Variants in PDE3A observed in about 807,000 individuals in gnomAD.
PDE3A encodes the protein cGMP-inhibited 3',5'-cyclic phosphodiesterase 3A.
A neutral mutation model predicts 98.3 loss-of-function variants in PDE3A; 43 were observed. The ratio of observed to expected loss-of-function variants is 0.44; its 90% confidence interval spans 0.34 to 0.56. The LOEUF (loss-of-function observed/expected upper bound fraction) is 0.56. PDE3A is among the 20% of genes least tolerant of loss of function. PDE3A has a pLI of 0.01. For missense variants in PDE3A, 1,427 were observed against 1,440.7 expected (o/e 0.99, Z 0.15); for synonymous variants, 663 against 567.9 (o/e 1.17, Z -2.38).
At chr12:20,545,777 CAAA>C (rs5796868) in intron 1 of PDE3A, among the ~76,000 whole-genome samples, 98 of 141,142 alleles carry the variant, frequency 6.9e-4, no homozygotes, top group African/African-American at 2.5e-3. Flanking sequence ...TAGTGGCTGC[CAAA>C]AAAAAAAAAA....
chr12:20,636,314 T>G (rs1458202886), intron 8 of PDE3A, among the ~76,000 whole-genome samples: 13 of 152,206 alleles, frequency 8.5e-5, no homozygotes, highest in Non-Finnish European at 5.9e-5. Context: ...CAAGTGATCA[T>G]CAATGGCTGC....
intron 1 of PDE3A, among the ~76,000 whole-genome samples, chr12:20,510,151 TA>T (rs2121112949): frequency 6.6e-6 from 1 of 152,214 alleles, no homozygotes; most frequent in African/African-American, 2.4e-5. Flanking sequence ...TATTTTCTTC[TA>T]AATTTTTTCA....
rs115123415 is a variant in PDE3A, at chr12:20,502,745, G to T, written c.961-53915G>T. ...GTATAAAGGAAACTAATGGTTAACT[G>T]AATTCCTCAATTATTTCCATGGATT... On this transcript the variant is annotated intron_variant, in intron 1 of 15. Coordinates refer to ENST00000359062, the MANE Select transcript of PDE3A (RefSeq NM_000921.5). Among the ~76,000 whole-genome samples the T allele has an allele frequency of 3.9e-3, 598 of 152,180 alleles. 5 individuals carry two copies. Among genetic ancestry groups the T allele is most frequent in the African/African-American group, 0.014 (574 of 41,544 alleles).
intron 1 of PDE3A, among the ~76,000 whole-genome samples, chr12:20,388,099 G>A (rs1943845177): frequency 6.6e-6 from 1 of 152,026 alleles, no homozygotes; most frequent in Admixed American, 6.6e-5. Context: ...TATGTTCACA[G>A]AATATTTATT....
At chr12:20,532,815 A>G (rs1941642437) in intron 1 of PDE3A, among the ~76,000 whole-genome samples, 2 of 150,732 alleles carry the variant, frequency 1.3e-5, no homozygotes, top group African/African-American at 4.9e-5. Flanking sequence ...CAGCCTCCCG[A>G]GTAGCTGGGA....
At chr12:20,388,159 C>A (rs1943846522) in intron 1 of PDE3A, among the ~76,000 whole-genome samples, 1 of 151,930 alleles carries the variant, frequency 6.6e-6, no homozygotes, top group Non-Finnish European at 1.5e-5. Context: ...GAAATTGCAC[C>A]TCCAGGTGCT....
chr12:20,504,929 A>G (rs1946087570), intron 1 of PDE3A, among the ~76,000 whole-genome samples: 1 of 152,092 alleles, frequency 6.6e-6, no homozygotes, highest in Non-Finnish European at 1.5e-5. Context: ...TCTAGGGTTT[A>G]GAACATGGAC....
intron 1 of PDE3A, among the ~76,000 whole-genome samples, chr12:20,478,486 C>G (rs1049137533): frequency 6.6e-6 from 1 of 152,106 alleles, no homozygotes; most frequent in Non-Finnish European, 1.5e-5. Flanking sequence ...TCAGTGAGCC[C>G]CTGATGACAC....
At chr12:20,387,305 G>T (rs1332887567) in intron 1 of PDE3A, among the ~76,000 whole-genome samples, 1 of 151,772 alleles carries the variant, frequency 6.6e-6, no homozygotes, top group African/African-American at 2.4e-5. Context: ...TTCTAATTTT[G>T]TGAAGAATGT....
chr12:20,564,449 A>G (rs1942607786), intron 2 of PDE3A, among the ~76,000 whole-genome samples: 1 of 152,176 alleles, frequency 6.6e-6, no homozygotes, highest in African/African-American at 2.4e-5. Flanking sequence ...TATCGAATAG[A>G]AATTTTAAAG....
chr12:20,386,053 TATATATAAATATATATAAAATATATATAA>T (rs1943765410), intron 1 of PDE3A, among the ~76,000 whole-genome samples: 1 of 51,264 alleles, frequency 2.0e-5, no homozygotes, highest in African/African-American at 7.4e-5. Flanking sequence ...TATATATAAA[TATATATAAATATATATAAAATATATATAA>T]ATATATAAAT....
At chr12:20,667,721 T>C (rs1037861086) in intron 15 of PDE3A, among the ~76,000 whole-genome samples, 21 of 152,348 alleles carry the variant, frequency 1.4e-4, no homozygotes, top group East Asian at 1.2e-3. Context: ...ATCTTTGTTC[T>C]TTTCGTTCAG....
intron 1 of PDE3A, among the ~76,000 whole-genome samples, chr12:20,540,340 A>G (rs1264343973): frequency 6.6e-6 from 1 of 152,168 alleles, no homozygotes; most frequent in African/African-American, 2.4e-5. Flanking sequence ...TAGAATAACA[A>G]TAGCTTGATA....
At chr12:20,441,150 G>A (rs1332544722) in intron 1 of PDE3A, among the ~76,000 whole-genome samples, 2 of 152,076 alleles carry the variant, frequency 1.3e-5, no homozygotes, top group Non-Finnish European at 2.9e-5. Context: ...ACATAATTGA[G>A]AAAAATAAAT....
At position 20,637,088 on chromosome 12, in the gene PDE3A, T is replaced by C; in HGVS notation, c.2002-12T>C. 6.4e-7 allele frequency: 1 copy of C among 1,561,784 alleles called. No homozygotes were observed. Among genetic ancestry groups the C allele is most frequent in the South Asian group, 1.2e-5 (1 of 81,740 alleles). Reference sequence around the variant, plus strand: ...GCATGCTGTTTAAGTATTTTAATGTTAAACATTACAGGACAAACCAATTCT... The same window carrying C: ...GCATGCTGTTTAAGTATTTTAATGTCAAACATTACAGGACAAACCAATTCT... On this transcript the variant is annotated splice_polypyrimidine_tract_variant and intron_variant, in intron 8 of 15. Coordinates refer to ENST00000359062, the MANE Select transcript of PDE3A (RefSeq NM_000921.5).
At chr12:20,494,615 T>C (rs143463377) in intron 1 of PDE3A, among the ~76,000 whole-genome samples, 1 of 152,246 alleles carries the variant, frequency 6.6e-6, no homozygotes, top group African/African-American at 2.4e-5. Flanking sequence ...ACATGATAAA[T>C]TATGACTTTC....
intron 1 of PDE3A, among the ~76,000 whole-genome samples, chr12:20,379,398 C>T (rs1943624778): frequency 6.6e-6 from 1 of 151,750 alleles, no homozygotes; most frequent in South Asian, 2.1e-4. Context: ...AGCAGTCTCT[C>T]AGGAAGTTTG....
At chr12:20,528,192 CA>C (rs1946562353) in intron 1 of PDE3A, among the ~76,000 whole-genome samples, 1 of 152,124 alleles carries the variant, frequency 6.6e-6, no homozygotes, top group African/African-American at 2.4e-5. Context: ...GAATAATTTC[CA>C]ACCTAGGAGG....
intron 2 of PDE3A, among the ~76,000 whole-genome samples, chr12:20,602,947 C>CAAAG (rs1022808511): frequency 6.6e-6 from 1 of 152,028 alleles, no homozygotes; most frequent in Non-Finnish European, 1.5e-5. Context: ...AGTAATGCAC[C>CAAAG]AAAGATCATT....
Sources: gnomAD v4.1 joint callset for allele counts (sites outside exome capture counted in the v4.1 genomes callset) on GRCh38, gnomAD v4.1.1 for gene constraint, MANE v1.5 for transcripts, NCBI Gene and HGNC (gene_info 2026-07-23, HGNC 2026-07-21) for gene names.